The following NRG1 variants were observed in gnomAD, a reference collection of about 807,000 sequenced individuals.
NRG1 encodes the protein neuregulin 1.
In NRG1, 18 loss-of-function variants were observed where a neutral mutation model predicts 63.8. That is an observed-to-expected ratio of 0.28 (90% CI 0.19 to 0.42). The LOEUF (loss-of-function observed/expected upper bound fraction) is 0.42, where lower values mean the gene tolerates loss of function less well. NRG1 is among the 10% of genes least tolerant of loss of function. The pLI, the probability that NRG1 is intolerant of heterozygous loss-of-function variation, is 1.00. For synonymous variants in NRG1, 302 were observed against 301.3 expected, an observed-to-expected ratio of 1.00 and a Z score of -0.02; for missense variants, 762 against 814.7, an observed-to-expected ratio of 0.94 and a Z score of 0.79.
chr8:32,664,445 G>A (rs1408272578), intron 5 of NRG1, among the ~76,000 whole-genome samples: 2 of 152,068 alleles, frequency 1.3e-5, no homozygotes, highest in Non-Finnish European at 2.9e-5. Flanking sequence ...AAAGGCCCAA[G>A]GGAAACAGAC....
At chr8:32,126,376 G>C (rs1373063061) in intron 1 of NRG1, among the ~76,000 whole-genome samples, 2 of 151,718 alleles carry the variant, frequency 1.3e-5, no homozygotes, top group Non-Finnish European at 2.9e-5. Flanking sequence ...TCTTGTTTGG[G>C]GCAGAGAGCA....
At chr8:32,203,600 G>T (rs1843722015) in intron 1 of NRG1, among the ~76,000 whole-genome samples, 2 of 151,966 alleles carry the variant, frequency 1.3e-5, no homozygotes, top group South Asian at 4.2e-4. Flanking sequence ...GACCTCAAGT[G>T]ATCCACCTTC....
intron 1 of NRG1, among the ~76,000 whole-genome samples, chr8:32,211,077 C>T (rs947315778): frequency 2.0e-5 from 3 of 152,112 alleles, no homozygotes; most frequent in African/African-American, 7.2e-5. Flanking sequence ...CTTCCATAAT[C>T]CTCTCTCTAA....
At chr8:32,290,278 A>G (rs1854035223) in intron 1 of NRG1, among the ~76,000 whole-genome samples, 1 of 152,052 alleles carries the variant, frequency 6.6e-6, no homozygotes, top group Non-Finnish European at 1.5e-5. Context: ...CTAATGCAAA[A>G]TTATTTGATA....
At chr8:31,754,362 C>A (rs190713060) in intron 1 of NRG1, among the ~76,000 whole-genome samples, 1 of 152,060 alleles carries the variant, frequency 6.6e-6, no homozygotes, top group African/African-American at 2.4e-5. Context: ...CTCCTGAGAT[C>A]TAGTCTTTAA....
At chr8:32,247,901 T>A (rs1001631537) in intron 1 of NRG1, among the ~76,000 whole-genome samples, 2 of 152,124 alleles carry the variant, frequency 1.3e-5, no homozygotes, top group Admixed American at 6.6e-5. Flanking sequence ...GAAAATGTTA[T>A]GTTTTTAAAC....
At chr8:32,332,463 C>T (rs890837635) in intron 1 of NRG1, among the ~76,000 whole-genome samples, 1 of 152,092 alleles carries the variant, frequency 6.6e-6, no homozygotes, top group African/African-American at 2.4e-5. Flanking sequence ...TGTGTGCTTC[C>T]CTTGCCTTCC....
intron 1 of NRG1, among the ~76,000 whole-genome samples, chr8:31,925,526 T>C (rs1308122711): frequency 1.3e-5 from 2 of 152,142 alleles, no homozygotes; most frequent in Non-Finnish European, 2.9e-5. Flanking sequence ...GTTTTGTAAA[T>C]ACTTGGCCTG....
intron 1 of NRG1, among the ~76,000 whole-genome samples, chr8:31,926,081 T>G (rs954072951): frequency 1.3e-5 from 2 of 152,166 alleles, no homozygotes; most frequent in Non-Finnish European, 2.9e-5. Flanking sequence ...GAATGTATTT[T>G]CTTCAGGAAG....
chr8:31,796,283 T>C (rs928001382), intron 1 of NRG1, among the ~76,000 whole-genome samples: 2 of 152,094 alleles, frequency 1.3e-5, no homozygotes, highest in Non-Finnish European at 2.9e-5. Context: ...TCTGTTTTAC[T>C]CAGGCTATTC....
chr8:32,524,899 C>T (rs1298171509), intron 1 of NRG1, among the ~76,000 whole-genome samples: 1 of 152,152 alleles, frequency 6.6e-6, no homozygotes, highest in Non-Finnish European at 1.5e-5. Context: ...GCCTGATTTA[C>T]CCTACACAGC....
intron 1 of NRG1, among the ~76,000 whole-genome samples, chr8:32,562,755 G>A (rs1447993705): frequency 2.0e-5 from 3 of 152,136 alleles, no homozygotes; most frequent in Admixed American, 1.3e-4. Context: ...CAGGAACCTT[G>A]GTCAAATAAC....
At chr8:32,095,432 A>G (rs547207683) in intron 1 of NRG1, among the ~76,000 whole-genome samples, 65 of 152,170 alleles carry the variant, frequency 4.3e-4, no homozygotes, top group African/African-American at 1.5e-3. Context: ...TTTTATCTAC[A>G]TGATATTAAT....
intron 1 of NRG1, among the ~76,000 whole-genome samples, chr8:31,702,872 T>C (rs1810766147): frequency 1.3e-5 from 2 of 152,062 alleles, no homozygotes; most frequent in South Asian, 2.1e-4. Flanking sequence ...GAAATGTACA[T>C]TGTCTATTAT....
intron 1 of NRG1, among the ~76,000 whole-genome samples, chr8:31,811,481 C>T (rs1016412176): frequency 6.6e-6 from 1 of 151,898 alleles, no homozygotes; most frequent in African/African-American, 2.4e-5. Flanking sequence ...GATTTTTTTC[C>T]TGGTGTCAAT....
chr8:32,027,468 C>A (rs1222103304), intron 1 of NRG1, among the ~76,000 whole-genome samples: 1 of 132,896 alleles, frequency 7.5e-6, no homozygotes, highest in Non-Finnish European at 1.6e-5. Flanking sequence ...TTCCTTCCTT[C>A]CCTCCCTCCC....
At chr8:31,705,174 G>C (rs13254319) in intron 1 of NRG1, among the ~76,000 whole-genome samples, 147,293 of 152,060 alleles carry the variant, frequency 0.97, 71,504 homozygotes, top group East Asian at 1. Context: ...GTAGCTGGAA[G>C]TACAGTCGTG....
intron 1 of NRG1, among the ~76,000 whole-genome samples, chr8:32,242,821 A>C (rs180840682): frequency 2.6e-5 from 4 of 152,318 alleles, no homozygotes; most frequent in Non-Finnish European, 4.4e-5. Flanking sequence ...CATATAAGGA[A>C]ACTAAAACTT....
chr8:32,025,804 C>A (rs916259889), intron 1 of NRG1, among the ~76,000 whole-genome samples: 1 of 151,462 alleles, frequency 6.6e-6, no homozygotes, highest in Non-Finnish European at 1.5e-5. Context: ...AAAAATTAGC[C>A]GGGCCTGGTG....
Sources: allele counts gnomAD v4.1 joint callset (sites outside exome capture counted in the v4.1 genomes callset), GRCh38; gene constraint gnomAD v4.1.1; transcripts MANE v1.5; gene names NCBI Gene and HGNC (gene_info 2026-07-23, HGNC 2026-07-21).